The following STAM variants were observed in gnomAD, a reference collection of about 807,000 sequenced individuals.
STAM encodes signal transducing adapter molecule 1.
In STAM, 16 loss-of-function variants were observed where a neutral mutation model predicts 63.4. The observed-to-expected ratio is 0.25, with a 90% CI of 0.17 to 0.38. The LOEUF is 0.38. Among genes scored for constraint, STAM ranks in the 10% least tolerant of loss-of-function variants. The probability of loss-of-function intolerance (pLI) is 1.00; values close to 1 mark genes in which losing one functional copy is unlikely to be tolerated. For missense variants in STAM, 636 were observed against 657.1 expected, an observed-to-expected ratio of 0.97 and a Z score of 0.35; for synonymous variants, 238 against 223.9, an observed-to-expected ratio of 1.06 and a Z score of -0.56.
At chr10:17,709,305 TG>T (rs1200001667) in intron 13 of STAM, among the ~76,000 whole-genome samples, 1 of 152,270 alleles carries the variant, frequency 6.6e-6, no homozygotes, top group Admixed American at 6.5e-5. Context: ...CCACACATTT[TG>T]TATAAAATCT....
chr10:17,711,227 C>G (rs1451458833), intron 13 of STAM, among the ~76,000 whole-genome samples: 1 of 152,132 alleles, frequency 6.6e-6, no homozygotes, highest in Non-Finnish European at 1.5e-5. Context: ...CTTCTGTCAT[C>G]CTAGGACAGT....
At chr10:17,650,249 G>GTATA (rs1833684420) in intron 1 of STAM, among the ~76,000 whole-genome samples, 2 of 152,212 alleles carry the variant, frequency 1.3e-5, no homozygotes, top group African/African-American at 4.8e-5. Flanking sequence ...TGGACACAAT[G>GTATA]TATAGTTGGA....
intron 1 of STAM, among the ~76,000 whole-genome samples, chr10:17,656,874 G>C (rs1833960580): frequency 6.6e-6 from 1 of 152,208 alleles, no homozygotes; most frequent in African/African-American, 2.4e-5. Flanking sequence ...AGAAATCCAA[G>C]TGGGTGACTT....
rs756822813 is a variant in STAM, at chr10:17,647,262, A to G, written c.40+2883A>G. Among the ~76,000 whole-genome samples the G allele has an allele frequency of 2.0e-5, 3 of 152,332 alleles. No individual in the cohort carries two copies. In the South Asian group the frequency reaches 6.2e-4, roughly 32 times the overall value. On this transcript the variant is annotated intron_variant, in intron 1 of 13. Coordinates refer to ENST00000377524, the MANE Select transcript of STAM (RefSeq NM_003473.4). Reference sequence around the variant, plus strand: ...AGATAACTTATTTCATCAAGTTTGTATTTCAAAGTCTCTAGTGACTTCCAC... The same window carrying G: ...AGATAACTTATTTCATCAAGTTTGTGTTTCAAAGTCTCTAGTGACTTCCAC...
At chr10:17,654,323 C>T (rs571559796) in intron 1 of STAM, among the ~76,000 whole-genome samples, 8 of 152,022 alleles carry the variant, frequency 5.3e-5, no homozygotes, top group African/African-American at 1.7e-4. Context: ...CCCAGGTTCA[C>T]GCCATTCTCC....
At chr10:17,704,002 G>T (rs1189062197) in intron 9 of STAM, among the ~76,000 whole-genome samples, 12 of 152,344 alleles carry the variant, frequency 7.9e-5, no homozygotes, top group African/African-American at 2.9e-4. Context: ...CCTCTGGCAT[G>T]ACATAAGAGG....
chr10:17,667,325 G>T (rs1027352704), intron 2 of STAM, among the ~76,000 whole-genome samples: 2 of 151,990 alleles, frequency 1.3e-5, no homozygotes, highest in East Asian at 1.9e-4. Context: ...GGGTTTCAAC[G>T]TATTGGTCAG....
intron 1 of STAM, among the ~76,000 whole-genome samples, chr10:17,655,032 C>CTG (rs1833884497): frequency 6.6e-6 from 1 of 152,136 alleles, no homozygotes; most frequent in South Asian, 2.1e-4. Context: ...ATTCATTATT[C>CTG]TGTCCTCTTC....
chr10:17,675,371 G>T (rs957662311), intron 2 of STAM, among the ~76,000 whole-genome samples: 1 of 152,054 alleles, frequency 6.6e-6, no homozygotes, highest in African/African-American at 2.4e-5. Flanking sequence ...GAGTATGGTA[G>T]TGCCTGCCTG....
In STAM at chr10:17,654,074, G is replaced by T. The variant is rs7100672; in HGVS notation, c.41-6390G>T. On this transcript the variant is annotated intron_variant, in intron 1 of 13. Transcript: ENST00000377524. ...AGTGAAGGGAGTCTTATGGAGAGCTGTGTCTTCAACCTGTGAAGTCTTTGC... is the reference window on the plus strand; with the variant it reads ...AGTGAAGGGAGTCTTATGGAGAGCTTTGTCTTCAACCTGTGAAGTCTTTGC... 5.2e-3 allele frequency among the ~76,000 whole-genome samples: 798 copies of T among 152,256 alleles called. 13 individuals are homozygous for T. Among genetic ancestry groups the T allele is most frequent in the African/African-American group, 0.019 (773 of 41,530 alleles).
chr10:17,687,231 T>C (rs1354763460), intron 4 of STAM, among the ~76,000 whole-genome samples: 2 of 152,152 alleles, frequency 1.3e-5, no homozygotes, highest in African/African-American at 4.8e-5. Flanking sequence ...TCGCAGCACT[T>C]TGGGAGGCTG....
intron 13 of STAM, among the ~76,000 whole-genome samples, chr10:17,711,150 T>C (rs1554830050): frequency 6.6e-6 from 1 of 152,214 alleles, no homozygotes; most frequent in Non-Finnish European, 1.5e-5. Context: ...CTCCTCAGTT[T>C]ATATATATCT....
chr10:17,655,596 A>G (rs1300478963), intron 1 of STAM, among the ~76,000 whole-genome samples: 2 of 152,178 alleles, frequency 1.3e-5, no homozygotes, highest in African/African-American at 4.8e-5. Context: ...GATTAAACTC[A>G]CTTGACGTAC....
intron 2 of STAM, among the ~76,000 whole-genome samples, chr10:17,669,985 C>T (rs56398358): frequency 0.077 from 11,611 of 151,394 alleles, 634 homozygotes; most frequent in Non-Finnish European, 0.12. Context: ...CCATCTCGGC[C>T]TCCCAAAGTG....
At chr10:17,693,379 G>C (rs1835626203) in intron 6 of STAM, 67 bp downstream of exon 6, 2 of 1,328,764 alleles carry the variant, frequency 1.5e-6, no homozygotes, top group East Asian at 4.8e-5. Context: ...GATATTTAAA[G>C]GTAAAATAAA....
intron 12 of STAM, among the ~76,000 whole-genome samples, chr10:17,707,899 A>G (rs1425922618): frequency 6.6e-6 from 1 of 151,580 alleles, no homozygotes; most frequent in Non-Finnish European, 1.5e-5. Context: ...TTTTTAATAA[A>G]CTTTTTTTTG....
intron 2 of STAM, among the ~76,000 whole-genome samples, chr10:17,683,799 TA>T (rs1471290776): frequency 2.6e-5 from 4 of 152,254 alleles, no homozygotes; most frequent in Non-Finnish European, 5.9e-5. Context: ...GCTAGTTGTG[TA>T]TGGTAGTTTT....
intron 5 of STAM, among the ~76,000 whole-genome samples, chr10:17,692,159 C>T (rs1835566894): frequency 6.6e-6 from 1 of 152,146 alleles, no homozygotes. Context: ...CTAATTTGCC[C>T]AGTGTCATCC....
At position 17,715,049 on chromosome 10, in the gene STAM, G is replaced by A. The variant is rs1459267644; in HGVS notation, c.*269G>A. The A allele has an allele frequency of 1.2e-5, 5 of 432,426 alleles. No homozygotes were observed. Among genetic ancestry groups the A allele is most frequent in the South Asian group, 4.9e-5 (2 of 40,628 alleles). The allele number at this position is 432,426 out of a possible 1,614,324, so 26.8% of individuals were successfully genotyped here. A position where few individuals can be genotyped will look rare whatever the true frequency, so the allele number is the denominator to read the frequency against. The stretch of plus-strand genomic sequence containing the variant: ...GAATTGATACAAGGCTATTTGTCTC[G>A]TAAACCTGGTCTGCAGAAAGTCAAA... On this transcript the variant is annotated 3_prime_UTR_variant, in exon 14 of 14. Coordinates refer to ENST00000377524, the MANE Select transcript of STAM (RefSeq NM_003473.4).
Sources: allele counts gnomAD v4.1 joint callset (sites outside exome capture counted in the v4.1 genomes callset), GRCh38; gene constraint gnomAD v4.1.1; transcripts MANE v1.5; gene names NCBI Gene and HGNC (gene_info 2026-07-23, HGNC 2026-07-21).